Variants in OTUD7A observed in about 807,000 individuals in gnomAD.
OTUD7A encodes the protein OTU deubiquitinase 7A, also known as OTU domain-containing protein 7A.
Under a neutral mutation model 65.7 loss-of-function variants are expected in OTUD7A, and 12 were observed. The observed-to-expected ratio is 0.18, with a 90% confidence interval of 0.12 to 0.30. The LOEUF (loss-of-function observed/expected upper bound fraction) is 0.30. OTUD7A is among the 10% of genes least tolerant of loss of function. The pLI, the probability that OTUD7A is intolerant of heterozygous loss-of-function variation, is 1.00. For missense variants in OTUD7A, 1,148 were observed against 1,304.8 expected, an observed-to-expected ratio of 0.88 and a Z score of 1.85; for synonymous variants, 641 against 586.3, an observed-to-expected ratio of 1.09 and a Z score of -1.35.
intron 5 of OTUD7A, among the ~76,000 whole-genome samples, chr15:31,531,795 C>A (rs1392565500): frequency 6.6e-6 from 1 of 152,156 alleles, no homozygotes; most frequent in East Asian, 1.9e-4. Flanking sequence ...GAGTACAAAG[C>A]CAAGACCTCA....
At chr15:31,683,659 T>TA (rs1892771677) in intron 1 of OTUD7A, among the ~76,000 whole-genome samples, 1 of 151,980 alleles carries the variant, frequency 6.6e-6, no homozygotes, top group African/African-American at 2.4e-5. Flanking sequence ...CCCACAGAAA[T>TA]AAAAAAATTA....
At chr15:31,663,414 A>C (rs1892225562) in intron 1 of OTUD7A, among the ~76,000 whole-genome samples, 1 of 151,890 alleles carries the variant, frequency 6.6e-6, no homozygotes, top group African/African-American at 2.4e-5. Context: ...TGCATGCATT[A>C]TTTATCCTGA....
intron 1 of OTUD7A, among the ~76,000 whole-genome samples, chr15:31,804,838 T>C (rs1158677990): frequency 6.6e-6 from 1 of 152,262 alleles, no homozygotes; most frequent in Non-Finnish European, 1.5e-5. Flanking sequence ...TGTGTTTATA[T>C]AGACCACTTT....
At chr15:31,822,316 G>A (rs745996655) in intron 1 of OTUD7A, among the ~76,000 whole-genome samples, 14 of 152,192 alleles carry the variant, frequency 9.2e-5, no homozygotes, top group Non-Finnish European at 1.6e-4. Context: ...CTCTCTGGGG[G>A]CAGGCATACC....
At chr15:31,764,821 A>G (rs1895057373) in intron 1 of OTUD7A, among the ~76,000 whole-genome samples, 1 of 152,194 alleles carries the variant, frequency 6.6e-6, no homozygotes, top group African/African-American at 2.4e-5. Context: ...AACGTGCACC[A>G]GTTTGAAAAC....
intron 8 of OTUD7A, 88 bp downstream of exon 8, chr15:31,526,261 C>T (rs1316824910): frequency 1.6e-6 from 2 of 1,262,550 alleles, no homozygotes; most frequent in Non-Finnish European, 2.1e-6. Flanking sequence ...TCCCACATTC[C>T]CCCCCGTGCC....
intron 1 of OTUD7A, among the ~76,000 whole-genome samples, chr15:31,866,932 A>G (rs1897891338): frequency 6.6e-6 from 1 of 152,208 alleles, no homozygotes. Context: ...GCACTGGGCT[A>G]GTTCTCTAGT....
chr15:31,860,436 G>C (rs1030255009), intron 1 of OTUD7A, among the ~76,000 whole-genome samples: 1 of 151,542 alleles, frequency 6.6e-6, no homozygotes, highest in African/African-American at 2.4e-5. Flanking sequence ...GCTATTAAAT[G>C]CATTTAACAA....
chr15:31,785,252 C>A (rs1895642684), intron 1 of OTUD7A, among the ~76,000 whole-genome samples: 1 of 152,154 alleles, frequency 6.6e-6, no homozygotes, highest in African/African-American at 2.4e-5. Context: ...CGCATGTAAA[C>A]CCTGTAAGTA....
Position 31,478,310 on chromosome 15 carries a change from A to G in OTUD7A, c.*4984T>C, listed in dbSNP as rs777635310. 6.6e-6 allele frequency: 1 copy of G among 152,156 alleles called. No individual in the cohort carries two copies. The highest frequency in any genetic ancestry group is 1.5e-5 in the Non-Finnish European group (1 of 68,030). The allele number at this position is 152,156 out of a possible 1,614,324, so 9.4% of individuals were successfully genotyped here. A position where few individuals can be genotyped will look rare whatever the true frequency, so the allele number is the denominator to read the frequency against. On this transcript the variant is annotated 3_prime_UTR_variant, in exon 13 of 13. Transcript: ENST00000307050. ...CAGCCTATATTTACTCTTAAAACCA[A>G]ATGGTACTCTTCGCCTTATGTTAAA...
In OTUD7A at chr15:31,480,157, A is replaced by C. The variant is rs569396994; in HGVS notation, c.*3137T>G. The C allele has an allele frequency of 6.6e-6, 1 of 152,324 alleles. No individual in the cohort carries two copies. The highest frequency in any genetic ancestry group is 2.4e-5 in the African/African-American group (1 of 41,552). The allele number at this position is 152,324 out of a possible 1,614,324, so 9.4% of individuals were successfully genotyped here. A position where few individuals can be genotyped will look rare whatever the true frequency, so the allele number is the denominator to read the frequency against. The stretch of plus-strand genomic sequence containing the variant: ...AAATATTGCTCTGTGGCATGTTCTG[A>C]AAATAATACAAAAATAATTTTTATA... On this transcript the variant is annotated 3_prime_UTR_variant, in exon 13 of 13. Transcript: ENST00000307050.
chr15:31,750,021 T>C (rs1191885995), intron 1 of OTUD7A, among the ~76,000 whole-genome samples: 1 of 152,140 alleles, frequency 6.6e-6, no homozygotes, highest in Non-Finnish European at 1.5e-5. Context: ...GTGAAACATC[T>C]CTAAAGCAGA....
intron 1 of OTUD7A, among the ~76,000 whole-genome samples, chr15:31,812,065 G>A (rs1896432625): frequency 6.6e-6 from 1 of 152,236 alleles, no homozygotes. Context: ...AAGGCCTTCT[G>A]CACTGGTGGA....
intron 1 of OTUD7A, among the ~76,000 whole-genome samples, chr15:31,744,775 G>A (rs1894433703): frequency 6.6e-6 from 1 of 152,080 alleles, no homozygotes; most frequent in Non-Finnish European, 1.5e-5. Context: ...GAATGTCAGT[G>A]TAGCAAATTC....
At chr15:31,727,246 C>G (rs1893917175) in intron 1 of OTUD7A, among the ~76,000 whole-genome samples, 1 of 152,240 alleles carries the variant, frequency 6.6e-6, no homozygotes, top group Non-Finnish European at 1.5e-5. Flanking sequence ...TCCCAACCTT[C>G]CCACAGCAGA....
At chr15:31,778,011 G>A (rs1436623548) in intron 1 of OTUD7A, among the ~76,000 whole-genome samples, 11 of 152,214 alleles carry the variant, frequency 7.2e-5, no homozygotes, top group South Asian at 2.1e-4. Context: ...TCTGGTGGCC[G>A]GCCATGGGTA....
intron 5 of OTUD7A, among the ~76,000 whole-genome samples, chr15:31,533,948 T>A (rs921487468): frequency 6.6e-6 from 1 of 152,262 alleles, no homozygotes; most frequent in Non-Finnish European, 1.5e-5. Flanking sequence ...TCACCAATAG[T>A]AGTAAAATGT....
intron 1 of OTUD7A, among the ~76,000 whole-genome samples, chr15:31,832,998 T>A (rs1896972723): frequency 6.6e-6 from 1 of 152,222 alleles, no homozygotes; most frequent in African/African-American, 2.4e-5. Flanking sequence ...ATGTTTAATA[T>A]TTTGGGGAAC....
At chr15:31,612,337 G>A (rs1000446882) in intron 3 of OTUD7A, among the ~76,000 whole-genome samples, 3 of 152,108 alleles carry the variant, frequency 2.0e-5, no homozygotes, top group South Asian at 2.1e-4. Context: ...CATCCAAATC[G>A]GTGATGAGGA....
Sources: gnomAD v4.1 joint callset for allele counts (sites outside exome capture counted in the v4.1 genomes callset) on GRCh38, gnomAD v4.1.1 for gene constraint, MANE v1.5 for transcripts, NCBI Gene and HGNC (gene_info 2026-07-23, HGNC 2026-07-21) for gene names.